TDRP: variants seen among roughly 807,000 people sequenced by gnomAD.
The protein encoded by TDRP is testis development related protein.
TDRP carries 12 observed loss-of-function variants against 10.5 expected under a neutral mutation model. The ratio of observed to expected loss-of-function variants is 1.15; its 90% CI spans 0.73 to 1.86. The LOEUF (loss-of-function observed/expected upper bound fraction) is 1.86, where lower values mean the gene tolerates loss of function less well. TDRP is among the 40% of genes most tolerant of loss of function. The probability of loss-of-function intolerance (pLI) is 0.00; values close to 1 mark genes in which losing one functional copy is unlikely to be tolerated. For synonymous variants in TDRP, 139 were observed against 95.4 expected, an observed-to-expected ratio of 1.46 and a Z score of -2.67; for missense variants, 353 against 229.2, an observed-to-expected ratio of 1.54 and a Z score of -3.49.
At chr8:515,663 G>C (rs1476889551) in intron 1 of TDRP, among the ~76,000 whole-genome samples, 3 of 152,150 alleles carry the variant, frequency 2.0e-5, no homozygotes, top group Admixed American at 6.5e-5. Flanking sequence ...GGATTGGGCA[G>C]CCTCTAACAT....
chr8:498,475 C>G (rs919501491), intron 1 of TDRP, among the ~76,000 whole-genome samples: 2 of 152,126 alleles, frequency 1.3e-5, no homozygotes, highest in South Asian at 2.1e-4. Context: ...AACGCCTGCA[C>G]CTCCATTGTG....
At chr8:527,019 C>G (rs902830740) in intron 1 of TDRP, among the ~76,000 whole-genome samples, 3 of 152,086 alleles carry the variant, frequency 2.0e-5, no homozygotes, top group Non-Finnish European at 4.4e-5. Flanking sequence ...TTTTGGGAGG[C>G]TGAGATGGGA....
At chr8:501,642 C>A (rs57931895) in intron 1 of TDRP, among the ~76,000 whole-genome samples, 34,968 of 152,100 alleles carry the variant, frequency 0.23, 4,200 homozygotes, top group East Asian at 0.26. Flanking sequence ...ACACCGCGCC[C>A]GGACCTTTCC....
chr8:501,105 T>G (rs1023938371), intron 1 of TDRP, among the ~76,000 whole-genome samples: 8 of 151,656 alleles, frequency 5.3e-5, no homozygotes, highest in Non-Finnish European at 8.8e-5. Context: ...CTCTGGAGGC[T>G]GAGGCAGGAG....
chr8:521,246 C>CAAAAAAAAAAAAAAA (rs57263869), intron 1 of TDRP, among the ~76,000 whole-genome samples: 3 of 84,580 alleles, frequency 3.5e-5, no homozygotes, highest in African/African-American at 1.4e-4. Context: ...ACTAAAAATC[C>CAAAAAAAAAAAAAAA]AAAAAAAAAA....
chr8:514,517 C>T (rs1279356159), intron 1 of TDRP, among the ~76,000 whole-genome samples: 2 of 152,172 alleles, frequency 1.3e-5, no homozygotes, highest in African/African-American at 4.8e-5. Flanking sequence ...TCCACATTTG[C>T]CTCAATGCAG....
rs755641906 is a variant in TDRP at position 492,354 on chromosome 8, C to T, written c.*45G>A. The T allele has an allele frequency of 9.7e-6, 14 of 1,450,176 alleles. No homozygotes were observed. The highest frequency in any genetic ancestry group is 1.2e-5 in the Non-Finnish European group (13 of 1,098,430). 89.8% of individuals were successfully genotyped at this position (1,450,176 alleles called of 1,614,324 possible). On this transcript the variant is annotated 3_prime_UTR_variant, in exon 3 of 3. Coordinates refer to ENST00000324079, the MANE Select transcript of TDRP (RefSeq NM_001384899.1). ...AGACTCAACAACTACATGGTATACT[C>T]ATAAAAGGCCACCATGTCGGGGCAC... is the stretch of plus-strand genomic sequence containing the variant.
chr8:510,599 G>GA (rs201876256), intron 1 of TDRP, among the ~76,000 whole-genome samples: 208 of 151,500 alleles, frequency 1.4e-3, no homozygotes, highest in African/African-American at 4.7e-3. Context: ...ACTCAATGAA[G>GA]AAAAAAAAAT....
intron 1 of TDRP, among the ~76,000 whole-genome samples, chr8:542,439 T>A (rs914966134): frequency 6.6e-6 from 1 of 151,618 alleles, no homozygotes; most frequent in African/African-American, 2.4e-5. Context: ...GGGGTGATGA[T>A]AGTGGGGGGC....
intron 1 of TDRP, among the ~76,000 whole-genome samples, chr8:543,192 G>A (rs1170960113): frequency 6.6e-6 from 1 of 152,054 alleles, no homozygotes; most frequent in African/African-American, 2.4e-5. Flanking sequence ...CGCACTTGTA[G>A]TCCCAGCTAC....
At chr8:506,743 G>A (rs1388315789) in intron 1 of TDRP, among the ~76,000 whole-genome samples, 1 of 152,176 alleles carries the variant, frequency 6.6e-6, no homozygotes, top group East Asian at 1.9e-4. Context: ...AGATGTCCCT[G>A]GTGGAGAAGC....
chr8:495,888 G>C (rs893504607), intron 1 of TDRP, among the ~76,000 whole-genome samples: 11 of 152,202 alleles, frequency 7.2e-5, no homozygotes, highest in Non-Finnish European at 1.5e-4. Context: ...AAACTAACCA[G>C]GGACTAAGGG....
At chr8:503,454 C>T (rs369858984) in intron 1 of TDRP, among the ~76,000 whole-genome samples, 30 of 151,228 alleles carry the variant, frequency 2.0e-4, no homozygotes, top group African/African-American at 5.3e-4. Context: ...CACCTCAGCA[C>T]GCACCAACAC....
At chr8:529,679 TG>T (rs1282885973) in intron 1 of TDRP, among the ~76,000 whole-genome samples, 3 of 152,226 alleles carry the variant, frequency 2.0e-5, no homozygotes, top group African/African-American at 7.2e-5. Context: ...TAACAACACT[TG>T]AACTGTATCA....
At chr8:493,995 T>TG (rs1801057668) in intron 2 of TDRP, among the ~76,000 whole-genome samples, 1 of 67,336 alleles carries the variant, frequency 1.5e-5, no homozygotes, top group Middle Eastern at 9.4e-3. Flanking sequence ...TTTCTGTTGT[T>TG]TTTTTTTTTT....
At position 544,726 on chromosome 8, in the gene TDRP, A is replaced by G; in HGVS notation, c.32T>C (p.Leu11Pro). 1 of 1,243,568 alleles carries G rather than the reference A, an allele frequency of 8.0e-7. No individual in the cohort carries two copies. The highest frequency in any genetic ancestry group is 1.0e-6 in the Non-Finnish European group (1 of 993,180). The allele number at this position is 1,243,568 out of a possible 1,614,324, so 77.0% of individuals were successfully genotyped here. Residue 11 changes from leucine to proline, a missense_variant, in exon 1 of 3, where the codon CTG becomes CCG. Transcript: ENST00000324079. The stretch of plus-strand genomic sequence containing the variant: ...GTCCTCCTCCTCGGGGGGCTCGTCC[A>G]GCAGCACTCGGCCCCGGCCCAGCTT... Reference protein sequence around the residue: MWKLGRGRVLLDEPPEEEDGL... With the variant: MWKLGRGRVLPDEPPEEEDGL...
rs375537383 is a variant in TDRP at position 523,761 on chromosome 8, G to C, written c.108+20889C>G. Among the ~76,000 whole-genome samples, 4 of 152,256 alleles carry C rather than the reference G, an allele frequency of 2.6e-5. No individual in the cohort carries two copies. The South Asian group carries it at 8.3e-4, about 32-fold the overall frequency. On this transcript the variant is annotated intron_variant, in intron 1 of 2. Coordinates refer to ENST00000324079, the MANE Select transcript of TDRP (RefSeq NM_001384899.1). ...GGAAGGACTTTGTCTAGTGGCTGGAGTGCCAGCTAGGCTGCAGTAGAATAG... is the reference window on the plus strand; with the variant it reads ...GGAAGGACTTTGTCTAGTGGCTGGACTGCCAGCTAGGCTGCAGTAGAATAG...
At chr8:501,983 G>C (rs1435304512) in intron 1 of TDRP, among the ~76,000 whole-genome samples, 2 of 152,204 alleles carry the variant, frequency 1.3e-5, no homozygotes, top group African/African-American at 4.8e-5. Flanking sequence ...TCTTAAAGCT[G>C]TTCTGGGGGT....
chr8:502,071 C>T (rs1333368167), intron 1 of TDRP, among the ~76,000 whole-genome samples: 1 of 152,296 alleles, frequency 6.6e-6, no homozygotes, highest in Non-Finnish European at 1.5e-5. Context: ...CCATTGGCTA[C>T]CACCTCCCAC....
Sources: allele counts gnomAD v4.1 joint callset (sites outside exome capture counted in the v4.1 genomes callset), GRCh38; gene constraint gnomAD v4.1.1; transcripts MANE v1.5; gene names NCBI Gene and HGNC (gene_info 2026-07-23, HGNC 2026-07-21).